Variants in ASIC2 observed in about 807,000 individuals in gnomAD.
ASIC2 encodes acid sensing ion channel subunit 2, also known as acid-sensing ion channel 2.
Under a neutral mutation model 57.3 loss-of-function variants are expected in ASIC2, and 25 were observed. The observed-to-expected ratio is 0.44, with a 90% CI of 0.32 to 0.61. The LOEUF (loss-of-function observed/expected upper bound fraction) is 0.61, where lower values mean the gene tolerates loss of function less well. Ranked by LOEUF, ASIC2 falls within the 20% of genes least tolerant of loss-of-function variation. The pLI, the probability that ASIC2 is intolerant of heterozygous loss-of-function variation, is 0.06. For missense variants in ASIC2, 641 were observed against 738.1 expected (o/e 0.87, Z 1.52); for synonymous variants, 319 against 307.5 (o/e 1.04, Z -0.39).
At chr17:33,723,487 T>A (rs1909447454) in intron 1 of ASIC2, among the ~76,000 whole-genome samples, 1 of 152,062 alleles carries the variant, frequency 6.6e-6, no homozygotes, top group Non-Finnish European at 1.5e-5. Context: ...TGCCACCATG[T>A]CTGGCTAATT....
Position 33,239,163 on chromosome 17 carries a change from C to A in ASIC2, c.708+52245G>T, listed in dbSNP as rs527761383. ...AAAATTAGCTGGGCGTGGTGGCATGCGCCTGTAATCCCAGCTACTCAGGAG... is the reference window on the plus strand; with the variant it reads ...AAAATTAGCTGGGCGTGGTGGCATGAGCCTGTAATCCCAGCTACTCAGGAG... On this transcript the variant is annotated intron_variant, in intron 1 of 9. Transcript: ENST00000225823. 5.4e-5 allele frequency among the ~76,000 whole-genome samples: 8 copies of A among 149,442 alleles called. No homozygotes were observed. In the East Asian group the frequency reaches 1.6e-3, roughly 30 times the overall value.
At chr17:34,037,952 T>A in intron 1 of ASIC2, 1 of 1,613,730 alleles carries the variant, frequency 6.2e-7, no homozygotes, top group South Asian at 1.1e-5. Context: ...CGACCACACA[T>A]CAACTTTATT....
chr17:34,155,864 C>G, intron 1 of ASIC2: 1 of 1,229,384 alleles, frequency 8.1e-7, no homozygotes, highest in South Asian at 1.5e-5. Context: ...TCAGGTGAGG[C>G]ACTGCTCTCT....
intron 1 of ASIC2, among the ~76,000 whole-genome samples, chr17:33,891,056 C>T (rs1914949314): frequency 6.6e-6 from 1 of 152,146 alleles, no homozygotes; most frequent in African/African-American, 2.4e-5. Flanking sequence ...AAGTTTCCGG[C>T]TTTGGTGCCT....
chr17:33,422,809 C>T (rs1911091952), intron 1 of ASIC2, among the ~76,000 whole-genome samples: 1 of 152,186 alleles, frequency 6.6e-6, no homozygotes, highest in Non-Finnish European at 1.5e-5. Flanking sequence ...GGATGTCAGT[C>T]TGCTGCTAAG....
At chr17:33,083,207 T>C (rs955239339) in intron 3 of ASIC2, among the ~76,000 whole-genome samples, 3 of 152,174 alleles carry the variant, frequency 2.0e-5, no homozygotes, top group Non-Finnish European at 4.4e-5. Flanking sequence ...AGCAAGGCAC[T>C]GGGGCCACAG....
Position 33,898,220 on chromosome 17 carries a change from C to CTTTTTTTTTTTTTTTTTTTTTT in ASIC2, c.555+257736_555+257757dup, listed in dbSNP as rs771624171. Among the ~76,000 whole-genome samples the CTTTTTTTTTTTTTTTTTTTTTT allele has an allele frequency of 7.6e-5, 5 of 66,186 alleles. 2 individuals carry two copies. The highest frequency in any genetic ancestry group is 1.2e-4 in the African/African-American group (2 of 16,778). 43.4% of individuals were successfully genotyped at this position (66,186 alleles called of 152,430 possible). Reference sequence around the variant, plus strand: ...AAACTGCCCAGAGTTCATGTATAATCTTTTTTTTTTTTTTTTTTTTTTTTT... The same window carrying CTTTTTTTTTTTTTTTTTTTTTT: ...AAACTGCCCAGAGTTCATGTATAATCTTTTTTTTTTTTTTTTTTTTTTTTTTTTTTTTTTTTTTTTTTTTTTT... On this transcript the variant is annotated intron_variant, in intron 1 of 9. Coordinates refer to the ASIC2 transcript ENST00000359872.
intron 1 of ASIC2, among the ~76,000 whole-genome samples, chr17:34,080,447 T>C (rs1909835910): frequency 6.6e-6 from 1 of 152,216 alleles, no homozygotes; most frequent in Non-Finnish European, 1.5e-5. Context: ...TTAGAGCTGG[T>C]GAGCTGGATC....
At chr17:33,865,273 CA>C (rs1914200480) in intron 1 of ASIC2, among the ~76,000 whole-genome samples, 1 of 152,172 alleles carries the variant, frequency 6.6e-6, no homozygotes. Context: ...AATTGTAAGC[CA>C]CATTTTGTTC....
intron 1 of ASIC2, among the ~76,000 whole-genome samples, chr17:33,815,575 A>G (rs1392324634): frequency 6.6e-6 from 1 of 152,118 alleles, no homozygotes; most frequent in Non-Finnish European, 1.5e-5. Context: ...AATCTTGACT[A>G]TTGGTGGCTA....
At chr17:33,020,915 C>T (rs1346711644) in intron 7 of ASIC2, among the ~76,000 whole-genome samples, 3 of 152,062 alleles carry the variant, frequency 2.0e-5, no homozygotes, top group Non-Finnish European at 4.4e-5. Flanking sequence ...CCATGAATTC[C>T]AAGAGTGCAG....
intron 1 of ASIC2, among the ~76,000 whole-genome samples, chr17:33,316,090 C>T (rs1906633281): frequency 6.6e-6 from 1 of 152,194 alleles, no homozygotes; most frequent in Admixed American, 6.5e-5. Context: ...CAATTTTATT[C>T]CCCTTCTTTT....
intron 1 of ASIC2, among the ~76,000 whole-genome samples, chr17:34,114,912 C>T (rs1911382943): frequency 6.6e-6 from 1 of 152,178 alleles, no homozygotes; most frequent in Non-Finnish European, 1.5e-5. Flanking sequence ...CTGTCCAGCT[C>T]TGACTGTATA....
At chr17:33,218,387 T>C (rs1446107193) in intron 1 of ASIC2, among the ~76,000 whole-genome samples, 1 of 152,218 alleles carries the variant, frequency 6.6e-6, no homozygotes, top group Non-Finnish European at 1.5e-5. Context: ...CAGCCTGTGT[T>C]CTATTCATCT....
At chr17:33,451,425 G>A (rs534203795) in intron 1 of ASIC2, among the ~76,000 whole-genome samples, 1 of 152,162 alleles carries the variant, frequency 6.6e-6, no homozygotes, top group Admixed American at 6.5e-5. Flanking sequence ...CACGCCAAAA[G>A]TTTGACCTTC....
intron 1 of ASIC2, among the ~76,000 whole-genome samples, chr17:34,047,252 A>G (rs975405515): frequency 1.3e-5 from 2 of 152,184 alleles, no homozygotes; most frequent in African/African-American, 4.8e-5. Context: ...CAACATATAT[A>G]TAATGAGCAC....
At chr17:33,936,310 C>G (rs1207151636) in intron 1 of ASIC2, 3 of 152,238 alleles carry the variant, frequency 2.0e-5, no homozygotes, top group African/African-American at 7.2e-5. Context: ...CACCCTCACC[C>G]TACACGGGGA....
intron 1 of ASIC2, among the ~76,000 whole-genome samples, chr17:33,998,045 TG>T (rs1403211572): frequency 6.6e-6 from 1 of 152,198 alleles, no homozygotes; most frequent in African/African-American, 2.4e-5. Flanking sequence ...CTGAGATTTT[TG>T]TTTACTGATT....
intron 1 of ASIC2, among the ~76,000 whole-genome samples, chr17:33,951,264 C>T (rs565965221): frequency 1.3e-5 from 2 of 152,000 alleles, no homozygotes; most frequent in Non-Finnish European, 2.9e-5. Flanking sequence ...CGGTGGTAGG[C>T]CCTGTTATGA....
Sources: allele counts gnomAD v4.1 joint callset (sites outside exome capture counted in the v4.1 genomes callset), GRCh38; gene constraint gnomAD v4.1.1; transcripts MANE v1.5; gene names NCBI Gene and HGNC (gene_info 2026-07-23, HGNC 2026-07-21).